CPNE4: variants seen among roughly 807,000 people sequenced by gnomAD.
CPNE4 encodes copine-4.
CPNE4 carries 25 observed loss-of-function variants against 67.9 expected under a neutral mutation model. The observed-to-expected ratio is 0.37, with a 90% confidence interval of 0.27 to 0.51. The LOEUF (loss-of-function observed/expected upper bound fraction) is 0.51, where lower values mean the gene tolerates loss of function less well. Among genes scored for constraint, CPNE4 ranks in the 20% least tolerant of loss-of-function variants. The pLI is 0.93. For missense variants in CPNE4, 464 were observed against 690.8 expected (o/e 0.67, Z 3.68); for synonymous variants, 242 against 244.9 (o/e 0.99, Z 0.11).
In CPNE4 at chr3:131,575,239, GCAGA is replaced by G. The variant is rs1937522924; in HGVS notation, c.868-113_868-110del. ...ATAAGCTGCTAAACCAGAGGAAAGG[GCAGA>G]CAGACATCATTGAAAAAAGATGGGT... On this transcript the variant is annotated intron_variant, in intron 9 of 15. Transcript: ENST00000429747. 9.4e-6 allele frequency: 8 copies of G among 848,188 alleles called. No homozygotes were observed. In the South Asian group the frequency reaches 1.0e-4, roughly 11 times the overall value. 52.5% of individuals were successfully genotyped at this position (848,188 alleles called of 1,614,324 possible).
chr3:131,760,280 A>T (rs2082855111), intron 2 of CPNE4, among the ~76,000 whole-genome samples: 2 of 152,262 alleles, frequency 1.3e-5, no homozygotes, highest in East Asian at 3.9e-4. Context: ...ACTTTATATG[A>T]TTATGTAACT....
chr3:131,985,409 G>A (rs77067544), intron 1 of CPNE4, among the ~76,000 whole-genome samples: 17,355 of 152,028 alleles, frequency 0.11, 3,163 homozygotes, highest in African/African-American at 0.39. Context: ...TATGCATCAT[G>A]TTAGAAGCTT....
chr3:131,776,745 T>C (rs929041033), intron 2 of CPNE4, among the ~76,000 whole-genome samples: 1 of 152,090 alleles, frequency 6.6e-6, no homozygotes, highest in African/African-American at 2.4e-5. Context: ...ATACAAAACA[T>C]TTATTGCATC....
chr3:131,922,615 G>A (rs2070771907), intron 1 of CPNE4, among the ~76,000 whole-genome samples: 1 of 152,196 alleles, frequency 6.6e-6, no homozygotes, highest in Non-Finnish European at 1.5e-5. Context: ...AGTATCATTT[G>A]GGTGCTACAT....
At chr3:132,002,630 G>A (rs370372995) in intron 1 of CPNE4, among the ~76,000 whole-genome samples, 4 of 152,132 alleles carry the variant, frequency 2.6e-5, no homozygotes, top group African/African-American at 9.7e-5. Context: ...GTGAGGAGGC[G>A]TGTTTCTGTT....
intron 1 of CPNE4, among the ~76,000 whole-genome samples, chr3:131,966,969 C>T (rs1393625938): frequency 6.6e-6 from 1 of 152,138 alleles, no homozygotes. Context: ...ATGCAAAAAT[C>T]CTCAATAAAA....
chr3:131,881,210 T>C (rs1251738709), intron 2 of CPNE4, among the ~76,000 whole-genome samples: 2 of 152,216 alleles, frequency 1.3e-5, no homozygotes, highest in East Asian at 1.9e-4. Context: ...AACATCTCCC[T>C]ATCCTGGTTA....
intron 1 of CPNE4, among the ~76,000 whole-genome samples, chr3:131,987,985 C>A (rs370556184): frequency 1.3e-5 from 2 of 152,134 alleles, no homozygotes; most frequent in South Asian, 2.1e-4. Flanking sequence ...AAGCCACAGT[C>A]TACTGAGGGC....
At chr3:131,740,523 C>T (rs942781744) in intron 2 of CPNE4, among the ~76,000 whole-genome samples, 22 of 152,164 alleles carry the variant, frequency 1.4e-4, no homozygotes, top group African/African-American at 5.3e-4. Context: ...ATCCAACCCA[C>T]CACCAAATCC....
intron 10 of CPNE4, among the ~76,000 whole-genome samples, chr3:131,572,813 T>TTCTC (rs1367632342): frequency 6.6e-6 from 1 of 152,010 alleles, no homozygotes; most frequent in Non-Finnish European, 1.5e-5. Context: ...AACATCCCTT[T>TTCTC]TCTCTCTCTC....
intron 7 of CPNE4, among the ~76,000 whole-genome samples, chr3:131,592,160 C>A (rs1938567577): frequency 6.6e-6 from 1 of 152,168 alleles, no homozygotes; most frequent in African/African-American, 2.4e-5. Context: ...TTCATCACTA[C>A]CACACAAACA....
intron 2 of CPNE4, among the ~76,000 whole-genome samples, chr3:131,843,385 C>A (rs1162677859): frequency 6.6e-6 from 1 of 152,184 alleles, no homozygotes; most frequent in African/African-American, 2.4e-5. Context: ...TAGGAGCTGT[C>A]ATCTCTTATT....
At chr3:131,747,070 C>T (rs1264972758) in intron 2 of CPNE4, among the ~76,000 whole-genome samples, 1 of 148,950 alleles carries the variant, frequency 6.7e-6, no homozygotes, top group Non-Finnish European at 1.5e-5. Flanking sequence ...TGTATGTTTT[C>T]TCTTGAGAAA....
intron 7 of CPNE4, among the ~76,000 whole-genome samples, chr3:131,651,012 A>T (rs1425835907): frequency 3.9e-5 from 6 of 152,094 alleles, no homozygotes; most frequent in Non-Finnish European, 7.4e-5. Flanking sequence ...TCATCTGTAA[A>T]ATTAGAATAT....
chr3:131,565,383 T>C (rs1392285035), intron 10 of CPNE4, among the ~76,000 whole-genome samples: 2 of 152,026 alleles, frequency 1.3e-5, no homozygotes, highest in Non-Finnish European at 2.9e-5. Context: ...ATCTTGGGAA[T>C]CATAATGGGA....
intron 2 of CPNE4, among the ~76,000 whole-genome samples, chr3:131,726,967 A>G (rs1182415821): frequency 6.6e-6 from 1 of 152,204 alleles, no homozygotes; most frequent in Admixed American, 6.5e-5. Flanking sequence ...GTGAATGCTT[A>G]TCTTCTCTCT....
intron 2 of CPNE4, among the ~76,000 whole-genome samples, chr3:131,873,863 T>C (rs997622859): frequency 6.6e-6 from 1 of 152,130 alleles, no homozygotes; most frequent in Admixed American, 6.5e-5. Flanking sequence ...TGTCCTCTTG[T>C]CTCCTTTCTC....
rs761978890 is a variant in CPNE4, at chr3:131,801,452, G to GTGTGTATA, written c.181-77828_181-77827insTATACACA. ...TGTGTGTGTGTGTGTGTGTGTGTGTGTATATATATATATATATATATATAT... is the reference window on the plus strand; with the variant it reads ...TGTGTGTGTGTGTGTGTGTGTGTGTGTGTGTATATATATATATATATATATATATATAT... On this transcript the variant is annotated intron_variant, in intron 2 of 15. Transcript: ENST00000429747. Among the ~76,000 whole-genome samples the GTGTGTATA allele has an allele frequency of 5.7e-3, 306 of 53,342 alleles. 3 individuals carry two copies. Among genetic ancestry groups the GTGTGTATA allele is most frequent in the Middle Eastern group, 0.014 (1 of 74 alleles). The allele number at this position is 53,342 out of a possible 152,430, so 35.0% of individuals were successfully genotyped here.
chr3:131,805,775 T>A (rs569234620), intron 2 of CPNE4, among the ~76,000 whole-genome samples: 5 of 152,234 alleles, frequency 3.3e-5, no homozygotes, highest in Non-Finnish European at 7.3e-5. Flanking sequence ...GCTCTTTCAT[T>A]GCCTCACGAG....
Sources: allele counts gnomAD v4.1 joint callset (sites outside exome capture counted in the v4.1 genomes callset), GRCh38; gene constraint gnomAD v4.1.1; transcripts MANE v1.5; gene names NCBI Gene and HGNC (gene_info 2026-07-23, HGNC 2026-07-21).